Variants in SPATA13 observed in about 807,000 individuals in gnomAD.
SPATA13 encodes spermatogenesis-associated protein 13.
In SPATA13, 50 loss-of-function variants were observed where a neutral mutation model predicts 104.0. That is an observed-to-expected ratio of 0.48 (90% CI 0.38 to 0.61). SPATA13 has a LOEUF of 0.61. Ranked by LOEUF, SPATA13 falls within the 20% of genes least tolerant of loss-of-function variation. The probability of loss-of-function intolerance (pLI) is 0.00; values close to 1 mark genes in which losing one functional copy is unlikely to be tolerated. For missense variants in SPATA13, 1,524 were observed against 1,690.6 expected (o/e 0.90, Z 1.73); for synonymous variants, 606 against 667.5 (o/e 0.91, Z 1.42).
At chr13:24,027,848 T>G (rs1426695047) in intron 3 of SPATA13, among the ~76,000 whole-genome samples, 4 of 150,286 alleles carry the variant, frequency 2.7e-5, no homozygotes, top group African/African-American at 9.8e-5. Flanking sequence ...CCTTCAGGAG[T>G]GCCCTTCCTG....
chr13:24,291,570 T>A (rs1214810927), intron 9 of SPATA13, among the ~76,000 whole-genome samples: 2 of 152,148 alleles, frequency 1.3e-5, no homozygotes, highest in East Asian at 3.9e-4. Flanking sequence ...TTCTCCCTGT[T>A]CCCTCCTGCT....
chr13:24,213,938 C>T (rs555089906), intron 1 of SPATA13, among the ~76,000 whole-genome samples: 4 of 152,336 alleles, frequency 2.6e-5, no homozygotes, highest in African/African-American at 9.6e-5. Flanking sequence ...AATCTGAAGG[C>T]ATGTATGATC....
chr13:24,001,809 G>A (rs1875984530), intron 2 of SPATA13, among the ~76,000 whole-genome samples: 1 of 152,032 alleles, frequency 6.6e-6, no homozygotes, highest in Non-Finnish European at 1.5e-5. Context: ...AGGGAGCAGG[G>A]GTGAGGACTG....
intron 7 of SPATA13, 85 bp downstream of exon 7, chr13:24,287,035 C>G (rs575827102): frequency 2.5e-6 from 3 of 1,207,232 alleles, no homozygotes; most frequent in Non-Finnish European, 3.5e-6. Flanking sequence ...CTCCACCCCC[C>G]GCCCCCCCAT....
chr13:24,022,610 A>T (rs553524782), intron 3 of SPATA13, among the ~76,000 whole-genome samples: 2 of 152,218 alleles, frequency 1.3e-5, no homozygotes, highest in Non-Finnish European at 2.9e-5. Context: ...TTTAAGTTAT[A>T]TGTTTTCCAC....
At chr13:24,135,010 C>G (rs1472849106) in intron 3 of SPATA13, among the ~76,000 whole-genome samples, 1 of 152,082 alleles carries the variant, frequency 6.6e-6, no homozygotes, top group Non-Finnish European at 1.5e-5. Flanking sequence ...TCATGAGATG[C>G]AGGGACGAGA....
intron 3 of SPATA13, among the ~76,000 whole-genome samples, chr13:24,076,814 C>T (rs1231527667): frequency 6.6e-6 from 1 of 151,764 alleles, no homozygotes. Context: ...AGAAGGCAGT[C>T]CCAGGGGGCG....
At chr13:24,026,148 T>C (rs1033236204) in intron 3 of SPATA13, among the ~76,000 whole-genome samples, 2 of 152,226 alleles carry the variant, frequency 1.3e-5, no homozygotes, top group African/African-American at 4.8e-5. Flanking sequence ...TATATTCCCC[T>C]CAAAGTATGA....
chr13:24,008,696 G>A (rs1593273057), intron 2 of SPATA13, among the ~76,000 whole-genome samples: 1 of 152,292 alleles, frequency 6.6e-6, no homozygotes, highest in South Asian at 2.1e-4. Context: ...GGAAGGCAGA[G>A]GTGAATCTGC....
intron 2 of SPATA13, among the ~76,000 whole-genome samples, chr13:23,991,890 C>T (rs1875431694): frequency 3.9e-5 from 6 of 152,136 alleles, no homozygotes; most frequent in Admixed American, 3.9e-4. Context: ...TGAGACTGTT[C>T]ACTCAGGCTT....
rs538246323 is a variant in SPATA13, at chr13:24,086,540, G to A, written c.-112+68839G>A. The stretch of plus-strand genomic sequence containing the variant: ...AAGGATGAATTCAAAAGACAAGTTC[G>A]ATGGCTGGGTCTGTAGCCTTGGGGA... On this transcript the variant is annotated intron_variant, in intron 3 of 14. Transcript: ENST00000424834. 9.8e-5 allele frequency among the ~76,000 whole-genome samples: 15 copies of A among 152,304 alleles called. No individual in the cohort carries two copies. The South Asian group carries it at 1.9e-3, about 19-fold the overall frequency.
chr13:24,247,404 T>TTC (rs1873198682), intron 2 of SPATA13, among the ~76,000 whole-genome samples: 2 of 151,946 alleles, frequency 1.3e-5, no homozygotes, highest in South Asian at 2.1e-4. Context: ...GGTCCCAGTT[T>TTC]TCCTGATTTG....
chr13:24,076,057 T>G (rs1429572711), intron 3 of SPATA13, among the ~76,000 whole-genome samples: 1 of 152,186 alleles, frequency 6.6e-6, no homozygotes, highest in Non-Finnish European at 1.5e-5. Flanking sequence ...TGTTTTCCTC[T>G]CACACGGAAA....
chr13:24,119,857 T>C (rs551090516), intron 3 of SPATA13, among the ~76,000 whole-genome samples: 2 of 152,338 alleles, frequency 1.3e-5, no homozygotes, highest in African/African-American at 4.8e-5. Flanking sequence ...CGTCAGTCTA[T>C]GCATGCTAGG....
At position 24,237,341 on chromosome 13, in the gene SPATA13, C is replaced by T. The variant is rs145988137; in HGVS notation, c.1654-12136C>T. On this transcript the variant is annotated intron_variant, in intron 2 of 12. Transcript: ENST00000382108. ...TTGCACCACTGCACTCCAATGCTGG[C>T]GGCAGAGTCAGATTCCATCTTAAAA... 1.8e-4 allele frequency among the ~76,000 whole-genome samples: 28 copies of T among 151,952 alleles called. 1 individual carries two copies. The East Asian group carries it at 4.1e-3, about 22-fold the overall frequency.
chr13:24,110,102 C>T (rs1468991438), intron 3 of SPATA13, among the ~76,000 whole-genome samples: 1 of 151,126 alleles, frequency 6.6e-6, no homozygotes, highest in Non-Finnish European at 1.5e-5. Flanking sequence ...TTAACTACAT[C>T]ACTCCAGCTA....
At chr13:23,997,473 T>A (rs1245144718) in intron 2 of SPATA13, among the ~76,000 whole-genome samples, 2 of 152,244 alleles carry the variant, frequency 1.3e-5, no homozygotes, top group Non-Finnish European at 2.9e-5. Flanking sequence ...TCAGCATAAT[T>A]TGAGATTTAT....
chr13:24,105,683 C>T (rs1054191397), intron 3 of SPATA13, among the ~76,000 whole-genome samples: 3 of 152,078 alleles, frequency 2.0e-5, no homozygotes, highest in Admixed American at 1.3e-4. Flanking sequence ...TGTTAAGGGC[C>T]GAATTGTGTC....
Position 24,189,713 on chromosome 13 carries a change from AAGC to A in SPATA13, c.-112+28783_-112+28785del, listed in dbSNP as rs1402923466. ...ATAATATATAATATATTATATATAA[AAGC>A]ATATATAATATATAATATATTATAT... is the stretch of plus-strand genomic sequence containing the variant. On this transcript the variant is annotated intron_variant, in intron 1 of 12. Coordinates refer to ENST00000382108, the MANE Select transcript of SPATA13 (RefSeq NM_001166271.3). Among the ~76,000 whole-genome samples, 17 of 25,994 alleles carry A rather than the reference AAGC, an allele frequency of 6.5e-4. 3 individuals are homozygous for A. Among genetic ancestry groups the A allele is most frequent in the Admixed American group, 2.3e-3 (3 of 1,284 alleles). 17.1% of individuals were successfully genotyped at this position (25,994 alleles called of 152,430 possible). A position where few individuals can be genotyped will look rare whatever the true frequency, so the allele number is the denominator to read the frequency against.
Sources: gnomAD v4.1 joint callset for allele counts (sites outside exome capture counted in the v4.1 genomes callset) on GRCh38, gnomAD v4.1.1 for gene constraint, MANE v1.5 for transcripts, NCBI Gene and HGNC (gene_info 2026-07-23, HGNC 2026-07-21) for gene names.